ADAMTS13: variants seen among roughly 807,000 people sequenced by gnomAD.
ADAMTS13 encodes A disintegrin and metalloproteinase with thrombospondin motifs 13.
In ADAMTS13, 110 loss-of-function variants were observed where a neutral mutation model predicts 155.1. The observed-to-expected ratio is 0.71, with a 90% confidence interval of 0.61 to 0.83. ADAMTS13 has a LOEUF of 0.83. Ranked by LOEUF, ADAMTS13 falls within the 40% of genes least tolerant of loss-of-function variation. The probability of loss-of-function intolerance (pLI) is 0.00; values close to 1 mark genes in which losing one functional copy is unlikely to be tolerated. For missense variants in ADAMTS13, 1,707 were observed against 1,891.7 expected (o/e 0.90, Z 1.81); for synonymous variants, 758 against 756.4 (o/e 1.00, Z -0.03).
Position 133,426,196 on chromosome 9 carries a change from G to A in ADAMTS13, c.540-3G>A, listed in dbSNP as rs886063631. On this transcript the variant is annotated splice_region_variant and splice_polypyrimidine_tract_variant and intron_variant, in intron 5 of 28. Coordinates refer to ENST00000355699, the MANE Select transcript of ADAMTS13 (RefSeq NM_139027.6). The stretch of plus-strand genomic sequence containing the variant: ...ACCCAAGTGACTGTTTTCTCTCACC[G>A]AGGTTTGACCTGGAGTTGCCTGATG... The A allele has an allele frequency of 2.4e-5, 39 of 1,613,848 alleles. No individual in the cohort carries two copies. The highest frequency in any genetic ancestry group is 5.3e-5 in the African/African-American group (4 of 74,950).
chr9:133,455,270 C>T lies in ADAMTS13; in HGVS notation c.3250-15C>T, dbSNP rs587617950. On this transcript the variant is annotated splice_polypyrimidine_tract_variant and intron_variant, in intron 24 of 28. Coordinates refer to ENST00000355699, the MANE Select transcript of ADAMTS13 (RefSeq NM_139027.6). ...GGCAGGGTCAGCTGTGACTCCTCCT[C>T]CCCTCTCTTGGCAGTGCTCTGTTTC... The T allele has an allele frequency of 6.2e-7, 1 of 1,600,560 alleles. No individual in the cohort carries two copies. The highest frequency in any genetic ancestry group is 8.5e-7 in the Non-Finnish European group (1 of 1,179,884).
In ADAMTS13 at chr9:133,454,553, C is replaced by T. The variant is rs782251596; in HGVS notation, c.3183C>T (p.Pro1061=). Reference sequence around the variant, plus strand: ...CGGCCTGTGCGGCGCTGGTGCGGCCCGAGGCCAGTGTCCCCTGTCTCATTG... The same window carrying T: ...CGGCCTGTGCGGCGCTGGTGCGGCCTGAGGCCAGTGTCCCCTGTCTCATTG... ...DEAACAALVR[P]EASVPCLIAD... The change falls in exon 24 of 29, where the codon CCC becomes CCT. Residue 1061 remains proline (P), a synonymous_variant. Transcript: ENST00000355699. 5.6e-6 allele frequency: 9 copies of T among 1,608,414 alleles called. No homozygotes were observed. In the Admixed American group the frequency reaches 6.7e-5, roughly 12 times the overall value.
Position 133,455,435 on chromosome 9 carries a change from G to T in ADAMTS13, c.3400G>T (p.Gly1134Cys). The T allele has an allele frequency of 6.2e-7, 1 of 1,612,566 alleles. No individual in the cohort carries two copies. Among genetic ancestry groups the T allele is most frequent in the East Asian group, 2.2e-5 (1 of 44,884 alleles). ...GCWAGPCVGQ[G>C]ACGRQHLEPT... ...CTGGGCTGGGCCCTGTGTGGGACAG[G>T]GTACGCCCAGCCTGGTGCCCCACGA... The change falls in exon 25 of 29, where the codon GGT (glycine) becomes TGT (cysteine). Residue 1134 changes from glycine (G) to cysteine (C), a missense_variant and splice_region_variant. Coordinates refer to ENST00000355699, the MANE Select transcript of ADAMTS13 (RefSeq NM_139027.6).
intron 28 of ADAMTS13, 128 bp downstream of exon 28, chr9:133,458,222 A>G: frequency 8.8e-7 from 1 of 1,134,498 alleles, no homozygotes; most frequent in Admixed American, 2.2e-5. Context: ...AGAATGGGAG[A>G]AGATAGCTTC....
At position 133,426,182 on chromosome 9, in the gene ADAMTS13, T is replaced by C. The variant is rs782124378; in HGVS notation, c.540-17T>C. 2.5e-6 allele frequency: 4 copies of C among 1,614,036 alleles called. No homozygotes were observed. Among genetic ancestry groups the C allele is most frequent in the Non-Finnish European group, 3.4e-6 (4 of 1,180,032 alleles). Reference sequence around the variant, plus strand: ...CGTGCCTTGGCACCACCCAAGTGACTGTTTTCTCTCACCGAGGTTTGACCT... The same window carrying C: ...CGTGCCTTGGCACCACCCAAGTGACCGTTTTCTCTCACCGAGGTTTGACCT... On this transcript the variant is annotated splice_polypyrimidine_tract_variant and intron_variant, in intron 5 of 28. Coordinates refer to ENST00000355699, the MANE Select transcript of ADAMTS13 (RefSeq NM_139027.6).
intron 12 of ADAMTS13, among the ~76,000 whole-genome samples, chr9:133,437,455 G>A (rs182915494): frequency 1.3e-5 from 2 of 152,208 alleles, no homozygotes; most frequent in African/African-American, 2.4e-5. Context: ...ATGGGGTTTC[G>A]CCATGTTGGC....
rs1840119119 is a variant in ADAMTS13, at chr9:133,424,109, A to T, written c.173-212A>T. On this transcript the variant is annotated intron_variant, in intron 2 of 28. Transcript: ENST00000355699. This position sits in a 1 kb window ranked among gnomAD's most constrained non-coding sequence, Gnocchi z 4.3. ...GTGGGAATCTTGTCTTGATGGGGTG[A>T]CCCAAAGCACACAATAGCCCAACAG... Among the ~76,000 whole-genome samples the T allele has an allele frequency of 6.6e-6, 1 of 152,122 alleles. No individual in the cohort carries two copies. The highest frequency in any genetic ancestry group is 1.5e-5 in the Non-Finnish European group (1 of 68,010).
chr9:133,447,843 C>T (rs1303212138), intron 21 of ADAMTS13, among the ~76,000 whole-genome samples: 1 of 152,074 alleles, frequency 6.6e-6, no homozygotes, highest in Non-Finnish European at 1.5e-5. Context: ...ATCCACCCGC[C>T]TTGGCCTCCC....
rs1588151609 is a variant in ADAMTS13, at chr9:133,424,676, C to T, written c.330+198C>T. Among the ~76,000 whole-genome samples, 1 of 152,070 alleles carries T rather than the reference C, an allele frequency of 6.6e-6. No homozygotes were observed. Reference sequence around the variant, plus strand: ...CCCTCTCTAGGCTCCATGGCACATGCACACCCTGCAGCCTCTCACTACTCA... The same window carrying T: ...CCCTCTCTAGGCTCCATGGCACATGTACACCCTGCAGCCTCTCACTACTCA... On this transcript the variant is annotated intron_variant, in intron 3 of 28. Transcript: ENST00000355699. This position sits in a 1 kb window ranked among gnomAD's most constrained non-coding sequence, Gnocchi z 4.3.
chr9:133,435,582 T>C (rs879792822), intron 11 of ADAMTS13, among the ~76,000 whole-genome samples: 1 of 150,702 alleles, frequency 6.6e-6, no homozygotes, highest in Non-Finnish European at 1.5e-5. Flanking sequence ...CAAGCTGGAG[T>C]GCGGTGGCGC....
chr9:133,456,210 G>A lies in ADAMTS13; in HGVS notation c.3542G>A (p.Ser1181Asn). The A allele has an allele frequency of 1.9e-6, 3 of 1,613,530 alleles. No homozygotes were observed. The highest frequency in any genetic ancestry group is 2.5e-6 in the Non-Finnish European group (3 of 1,180,036). Residue 1181 changes from serine to asparagine, a missense_variant, in exon 26 of 29, where the codon AGT (serine) becomes AAT (asparagine). Ser to Asn is a conservative substitution (Grantham distance 46). Around this residue, in one of 3 missense-constraint regions of ADAMTS13, gnomAD observed 961 missense variants for 1,107.9 expected, o/e 0.87. Coordinates refer to ENST00000355699, the MANE Select transcript of ADAMTS13 (RefSeq NM_139027.6). This position sits in a 1 kb window ranked among gnomAD's most constrained non-coding sequence, Gnocchi z 4.4. ...GTCCTTGAGAGTTCTCTCAACTGCAGTGCGGGTATGTCTAGGGCCATGCAA... is the reference window on the plus strand; with the variant it reads ...GTCCTTGAGAGTTCTCTCAACTGCAATGCGGGTATGTCTAGGGCCATGCAA... Reference protein sequence around the residue: ...LRVLESSLNCSAGDMLLLWGR... With the variant: ...LRVLESSLNCNAGDMLLLWGR...
chr9:133,456,899 C>G lies in ADAMTS13; in HGVS notation c.3724+180C>G. The G allele has an allele frequency of 1.3e-6, 1 of 781,420 alleles. No individual in the cohort carries two copies. Among genetic ancestry groups the G allele is most frequent in the East Asian group, 2.7e-5 (1 of 37,470 alleles). 48.4% of individuals were successfully genotyped at this position (781,420 alleles called of 1,614,324 possible). A position where few individuals can be genotyped will look rare whatever the true frequency, so the allele number is the denominator to read the frequency against. ...GTCTGCACGTGCCAGGGAGGGGTCA[C>G]AGGATGAATGCTATATCCCTCCTTT... On this transcript the variant is annotated intron_variant, in intron 27 of 28. Transcript: ENST00000355699. This position sits in a 1 kb window ranked among gnomAD's most constrained non-coding sequence, Gnocchi z 4.4.
At chr9:133,422,936 T>C (rs781823142) in intron 1 of ADAMTS13, among the ~76,000 whole-genome samples, 165 bp from the exon 2 acceptor site, 60 of 68,412 alleles carry the variant, frequency 8.8e-4, no homozygotes, top group South Asian at 7.3e-3. Context: ...CTCTCTCTCT[T>C]TTTTTTTTTT....
intron 23 of ADAMTS13, 145 bp from the exon 24 acceptor site, chr9:133,454,270 C>T: frequency 1.0e-6 from 1 of 968,780 alleles, no homozygotes; most frequent in East Asian, 2.6e-5. Context: ...ACAGGAGGGG[C>T]TCAGTGGCTG....
intron 28 of ADAMTS13, among the ~76,000 whole-genome samples, chr9:133,458,532 GGC>G (rs1588214026): frequency 8.4e-6 from 1 of 119,214 alleles, no homozygotes; most frequent in African/African-American, 3.0e-5. Flanking sequence ...CTCCAGCCTG[GGC>G]AACAGAGTGA....
upstream of ADAMTS13, among the ~76,000 whole-genome samples, chr9:133,419,892 C>A (rs1424642339): frequency 6.6e-6 from 1 of 151,194 alleles, no homozygotes; most frequent in Non-Finnish European, 1.5e-5. Flanking sequence ...GTGCACGCCA[C>A]CATGCCCAGC....
chr9:133,455,152 G>T, intron 24 of ADAMTS13, 133 bp from the exon 25 acceptor site: 1 of 997,972 alleles, frequency 1.0e-6, no homozygotes, highest in Admixed American at 1.8e-5. Context: ...TTTCTCATCT[G>T]TGGAATGGAG....
rs375068919 is a variant in ADAMTS13, at chr9:133,414,500, GC to G, written n.144del. 47 of 737,310 alleles carry G rather than the reference GC, an allele frequency of 6.4e-5. No individual in the cohort carries two copies. In the African/African-American group the frequency reaches 6.5e-4, roughly 10 times the overall value. 45.7% of individuals were successfully genotyped at this position (737,310 alleles called of 1,614,324 possible). ...AGAAGCAGGCCCTGCCTTATCATGC[GC>G]ACACTCTAGGGGAAAACAAGTAACA... On this transcript the variant is annotated non_coding_transcript_exon_variant, in exon 1 of 18. Transcript: ENST00000485925.
chr9:133,455,942 C>T, intron 25 of ADAMTS13, 127 bp from the exon 26 acceptor site: 1 of 1,297,940 alleles, frequency 7.7e-7, no homozygotes, highest in Non-Finnish European at 1.1e-6. Flanking sequence ...AGAAGGCTTC[C>T]AGCTGGGCCT....
Sources: gnomAD v4.1 joint callset for allele counts (sites outside exome capture counted in the v4.1 genomes callset) on GRCh38, gnomAD v4.1.1 for gene constraint, gnomAD v4.1.1 regional missense constraint, Gnocchi (gnomAD v3.1) non-coding constraint, MANE v1.5 for transcripts, NCBI Gene and HGNC (gene_info 2026-07-23, HGNC 2026-07-21) for gene names.